Variants in CLSTN2 observed in about 807,000 individuals in gnomAD.
CLSTN2 encodes calsyntenin-2.
CLSTN2 carries 48 observed loss-of-function variants against 101.2 expected under a neutral mutation model. The ratio of observed to expected loss-of-function variants is 0.47; its 90% CI spans 0.38 to 0.60. The LOEUF (loss-of-function observed/expected upper bound fraction) is 0.60. Ranked by LOEUF, CLSTN2 falls within the 20% of genes least tolerant of loss-of-function variation. The pLI is 0.00. For synonymous variants in CLSTN2, 481 were observed against 463.6 expected (o/e 1.04, Z -0.48); for missense variants, 1,160 against 1,238.2 (o/e 0.94, Z 0.95).
intron 2 of CLSTN2, among the ~76,000 whole-genome samples, chr3:140,360,148 A>C (rs1303029267): frequency 6.6e-6 from 1 of 152,092 alleles, no homozygotes; most frequent in Non-Finnish European, 1.5e-5. Flanking sequence ...CAAGTTTGAG[A>C]ACTCATCTCC....
intron 2 of CLSTN2, among the ~76,000 whole-genome samples, chr3:140,239,636 A>G (rs1253691124): frequency 1.3e-5 from 2 of 152,160 alleles, no homozygotes; most frequent in Non-Finnish European, 2.9e-5. Flanking sequence ...CCTCTGTGTC[A>G]GTAAGGGCAT....
intron 2 of CLSTN2, among the ~76,000 whole-genome samples, chr3:140,231,185 T>C (rs1349998619): frequency 1.3e-5 from 2 of 152,102 alleles, no homozygotes; most frequent in African/African-American, 4.8e-5. Flanking sequence ...TCTCAGCTTC[T>C]TTTAGGGGGC....
intron 2 of CLSTN2, among the ~76,000 whole-genome samples, chr3:140,281,458 A>G (rs2086846205): frequency 1.3e-5 from 2 of 152,120 alleles, no homozygotes; most frequent in African/African-American, 4.8e-5. Flanking sequence ...ATGGCTTCTC[A>G]CTTATGGTGG....
intron 2 of CLSTN2, among the ~76,000 whole-genome samples, chr3:140,403,253 G>A (rs963490216): frequency 6.6e-6 from 1 of 152,180 alleles, no homozygotes; most frequent in Admixed American, 6.5e-5. Context: ...AACTTGGAAG[G>A]GGAAATGGTA....
At chr3:140,333,262 G>C (rs1220500089) in intron 2 of CLSTN2, among the ~76,000 whole-genome samples, 1 of 152,160 alleles carries the variant, frequency 6.6e-6, no homozygotes, top group Non-Finnish European at 1.5e-5. Flanking sequence ...CCACCAGTGA[G>C]GACTTAACTG....
chr3:140,013,807 C>A (rs1025872466), intron 1 of CLSTN2, among the ~76,000 whole-genome samples: 1 of 152,144 alleles, frequency 6.6e-6, no homozygotes, highest in African/African-American at 2.4e-5. Context: ...CACTAGCCAG[C>A]GTTAGAGGTG....
intron 1 of CLSTN2, among the ~76,000 whole-genome samples, chr3:139,996,215 T>G (rs2006655333): frequency 7.9e-6 from 1 of 127,010 alleles, no homozygotes; most frequent in Non-Finnish European, 1.8e-5. Context: ...TTACTGGATA[T>G]TGTCTTCTGG....
chr3:140,024,659 T>C (rs1441465645), intron 1 of CLSTN2, among the ~76,000 whole-genome samples: 1 of 152,084 alleles, frequency 6.6e-6, no homozygotes, highest in African/African-American at 2.4e-5. Flanking sequence ...AACAGGACTG[T>C]TAGTGTTGAG....
At chr3:140,151,648 C>T (rs978689820) in intron 1 of CLSTN2, among the ~76,000 whole-genome samples, 21 of 151,952 alleles carry the variant, frequency 1.4e-4, no homozygotes, top group African/African-American at 4.6e-4. Context: ...AGGCACTCAC[C>T]TATCTCTTGT....
chr3:140,440,622 A>G (rs2088751828), intron 5 of CLSTN2, among the ~76,000 whole-genome samples: 1 of 152,186 alleles, frequency 6.6e-6, no homozygotes, highest in African/African-American at 2.4e-5. Flanking sequence ...TAATGATATC[A>G]TTATCATGTT....
intron 2 of CLSTN2, among the ~76,000 whole-genome samples, chr3:140,209,516 T>C (rs1442701117): frequency 1.3e-5 from 2 of 152,170 alleles, no homozygotes; most frequent in African/African-American, 4.8e-5. Flanking sequence ...CTTTGGTGCT[T>C]TGGGGAGTGA....
intron 7 of CLSTN2, chr3:140,461,190 C>A (rs1181013675): frequency 2.0e-5 from 3 of 152,134 alleles, no homozygotes; most frequent in Non-Finnish European, 4.4e-5. Context: ...GATGCAGAAA[C>A]TGAGAGGTGC....
At chr3:140,042,021 A>C (rs2007771239) in intron 1 of CLSTN2, among the ~76,000 whole-genome samples, 1 of 152,144 alleles carries the variant, frequency 6.6e-6, no homozygotes, top group Admixed American at 6.5e-5. Flanking sequence ...CTTGACATAG[A>C]ATTTATCTGC....
intron 2 of CLSTN2, among the ~76,000 whole-genome samples, chr3:140,392,912 C>T (rs2088133812): frequency 6.6e-6 from 1 of 151,910 alleles, no homozygotes; most frequent in Non-Finnish European, 1.5e-5. Context: ...TGGTGAGGCC[C>T]TTCTTGCCGG....
At position 140,298,527 on chromosome 3, in the gene CLSTN2, A is replaced by G. The variant is rs949782423; in HGVS notation, c.233-105102A>G. Among the ~76,000 whole-genome samples the G allele has an allele frequency of 3.3e-5, 5 of 152,210 alleles. No individual in the cohort carries two copies. In the East Asian group the frequency reaches 5.8e-4, roughly 18 times the overall value. ...CTATGATAAAAAATGTTGAGGACAC[A>G]TAGGGAAGCTGCTTGTAGTATGTCT... On this transcript the variant is annotated intron_variant, in intron 2 of 16. Coordinates refer to ENST00000458420, the MANE Select transcript of CLSTN2 (RefSeq NM_022131.3).
At chr3:140,394,013 G>A (rs1233505526) in intron 2 of CLSTN2, among the ~76,000 whole-genome samples, 1 of 152,110 alleles carries the variant, frequency 6.6e-6, no homozygotes, top group Non-Finnish European at 1.5e-5. Flanking sequence ...AGGAGGGCTG[G>A]GAGTCTGTAA....
chr3:140,428,979 G>A (rs1455720967), intron 5 of CLSTN2, among the ~76,000 whole-genome samples: 3 of 152,156 alleles, frequency 2.0e-5, no homozygotes, highest in African/African-American at 7.2e-5. Flanking sequence ...AGGTCTGGCT[G>A]CTTCCATCAA....
chr3:140,364,986 C>T (rs114208637), intron 2 of CLSTN2, among the ~76,000 whole-genome samples: 1,854 of 152,188 alleles, frequency 0.012, 46 homozygotes, highest in African/African-American at 0.043. Flanking sequence ...TGGGGGAGCC[C>T]AGGTGCTGAG....
In CLSTN2 at chr3:140,080,469, G is replaced by C. The variant is rs72984136; in HGVS notation, c.110-95482G>C. ...CTCCTAGACCTTTCTTTGAGCGACA[G>C]TGGGTCTCAGTCTCATCTATTCAAG... On this transcript the variant is annotated intron_variant, in intron 1 of 16. Coordinates refer to ENST00000458420, the MANE Select transcript of CLSTN2 (RefSeq NM_022131.3). Among the ~76,000 whole-genome samples the C allele has an allele frequency of 5.3e-3, 814 of 152,280 alleles. 5 individuals carry two copies. Among genetic ancestry groups the C allele is most frequent in the African/African-American group, 0.018 (761 of 41,550 alleles).
Sources: gnomAD v4.1 joint callset for allele counts (sites outside exome capture counted in the v4.1 genomes callset) on GRCh38, gnomAD v4.1.1 for gene constraint, MANE v1.5 for transcripts, NCBI Gene and HGNC (gene_info 2026-07-23, HGNC 2026-07-21) for gene names.